Variants in EVC2 observed in about 807,000 individuals in gnomAD.
EVC2 encodes limbin.
Under a neutral mutation model 149.3 loss-of-function variants are expected in EVC2, and 148 were observed. The observed-to-expected ratio is 0.99, with a 90% CI of 0.87 to 1.14. The LOEUF (loss-of-function observed/expected upper bound fraction) is 1.14. EVC2 is among the 50% of genes most tolerant of loss of function. EVC2 has a pLI of 0.00. For missense variants in EVC2, 1,854 were observed against 1,627.3 expected (o/e 1.14, Z -2.40); for synonymous variants, 776 against 649.9 (o/e 1.19, Z -2.95).
chr4:5,545,625 G>C (rs1721600530), intron 21 of EVC2, among the ~76,000 whole-genome samples: 1 of 152,180 alleles, frequency 6.6e-6, no homozygotes, highest in Non-Finnish European at 1.5e-5. Context: ...GCAGAGACGA[G>C]TTACCTACCC....
intron 15 of EVC2, among the ~76,000 whole-genome samples, chr4:5,616,198 T>A (rs1345595557): frequency 6.6e-6 from 1 of 152,080 alleles, no homozygotes; most frequent in Non-Finnish European, 1.5e-5. Flanking sequence ...CTCCCCACCT[T>A]CCCTCTCCCC....
chr4:5,539,629 C>G (rs533273963), downstream of EVC2, among the ~76,000 whole-genome samples: 181 of 152,290 alleles, frequency 1.2e-3, no homozygotes, highest in African/African-American at 4.2e-3. Flanking sequence ...TAAATACACT[C>G]ACTCATATGT....
At position 5,576,227 on chromosome 4, in the gene EVC2, G is replaced by A. The variant is rs1722915938; in HGVS notation, c.3272+13C>T. ...GACTAATATCTTTGAGTGCTACGGG[G>A]CACACGGCATACCACTGCTGATGTT... is the stretch of plus-strand genomic sequence containing the variant. On this transcript the variant is annotated intron_variant, in intron 18 of 21. Coordinates refer to ENST00000344408, the MANE Select transcript of EVC2 (RefSeq NM_147127.5). This position sits in a 1 kb window ranked among gnomAD's most constrained non-coding sequence, Gnocchi z 4.5. The A allele has an allele frequency of 1.2e-6, 2 of 1,614,016 alleles. No individual in the cohort carries two copies. The highest frequency in any genetic ancestry group is 1.7e-6 in the Non-Finnish European group (2 of 1,180,032).
the EVC2 span, among the ~76,000 whole-genome samples, chr4:5,536,559 C>T: frequency 3.3e-3 from 504 of 152,160 alleles, 1 homozygote; most frequent in African/African-American, 0.011. Flanking sequence ...CCAAGGCGGG[C>T]AGATCACGAG....
rs138520074 is a variant in EVC2, at chr4:5,617,756, C to T, written c.2706+722G>A. On this transcript the variant is annotated intron_variant, in intron 15 of 21. Coordinates refer to ENST00000344408, the MANE Select transcript of EVC2 (RefSeq NM_147127.5). ...GGCAGAGAAAACAGAAGTTCGAAGG[C>T]CTTATCTTATGTTGGGAGCCCCAGA... 7.2e-3 allele frequency among the ~76,000 whole-genome samples: 1,102 copies of T among 152,208 alleles called. 10 individuals are homozygous for T. The highest frequency in any genetic ancestry group is 0.011 in the Non-Finnish European group (782 of 68,018).
chr4:5,552,882 T>A (rs572185240), intron 21 of EVC2, among the ~76,000 whole-genome samples: 2 of 152,220 alleles, frequency 1.3e-5, no homozygotes, highest in South Asian at 4.2e-4. Context: ...GATCTGTGCA[T>A]ACAGAGAGGA....
At chr4:5,539,913 A>G (rs1487596433), downstream of EVC2, among the ~76,000 whole-genome samples, 1 of 152,204 alleles carries the variant, frequency 6.6e-6, no homozygotes. Context: ...CTGCTCTTCA[A>G]AAGATACCGC....
downstream of EVC2, among the ~76,000 whole-genome samples, chr4:5,557,769 G>GAAAT (rs1408269079): frequency 2.6e-5 from 4 of 151,984 alleles, no homozygotes; most frequent in African/African-American, 9.7e-5. Context: ...CTATATAACA[G>GAAAT]AAATAAATGA....
At chr4:5,533,706 A>T in the EVC2 span, among the ~76,000 whole-genome samples, 1 of 152,174 alleles carries the variant, frequency 6.6e-6, no homozygotes, top group Non-Finnish European at 1.5e-5. Flanking sequence ...TGGAGTCCAT[A>T]TTGCCGCTAA....
In EVC2 at chr4:5,657,801, T is replaced by C. The variant is rs1243211066; in HGVS notation, c.1145+5306A>G. On this transcript the variant is annotated intron_variant, in intron 9 of 21. Transcript: ENST00000344408. The surrounding 1 kb of genome is among the most constrained non-coding windows in gnomAD (Gnocchi z 4.7). ...GAGTGTTGTGAAGAAAATCAGAATT[T>C]CAGGATAAAGAATGGAGGCAGTGCT... Among the ~76,000 whole-genome samples, 2 of 151,942 alleles carry C rather than the reference T, an allele frequency of 1.3e-5. No homozygotes were observed. Among genetic ancestry groups the C allele is most frequent in the Non-Finnish European group, 2.9e-5 (2 of 68,020 alleles).
intron 19 of EVC2, among the ~76,000 whole-genome samples, chr4:5,572,199 G>GA (rs1432296987): frequency 2.0e-5 from 3 of 151,868 alleles, no homozygotes; most frequent in African/African-American, 7.3e-5. Context: ...TGGGGACAGA[G>GA]AAAAAAAACA....
intron 21 of EVC2, among the ~76,000 whole-genome samples, chr4:5,545,189 G>T (rs751323228): frequency 6.6e-6 from 1 of 152,168 alleles, no homozygotes; most frequent in Non-Finnish European, 1.5e-5. Context: ...GGAGACATTC[G>T]CTCATTCATT....
At chr4:5,623,079 A>G (rs948391281) in intron 13 of EVC2, 88 bp from the exon 14 acceptor site, 9 of 1,210,978 alleles carry the variant, frequency 7.4e-6, no homozygotes, top group Non-Finnish European at 1.1e-5. Context: ...GGAAGCACAG[A>G]ATGTTTATAG....
chr4:5,547,559 T>G (rs1160414843), intron 21 of EVC2, among the ~76,000 whole-genome samples: 1 of 152,100 alleles, frequency 6.6e-6, no homozygotes, highest in Non-Finnish European at 1.5e-5. Context: ...CTTCCTCCCC[T>G]CTGAAGCCCA....
intron 16 of EVC2, among the ~76,000 whole-genome samples, chr4:5,596,869 A>C (rs943919777): frequency 3.3e-5 from 5 of 152,358 alleles, no homozygotes; most frequent in Admixed American, 6.5e-5. Context: ...GCAATAAAAA[A>C]TGATAAAGGG....
At chr4:5,626,913 T>A (rs1483960333) in intron 12 of EVC2, among the ~76,000 whole-genome samples, 2 of 152,242 alleles carry the variant, frequency 1.3e-5, no homozygotes, top group Non-Finnish European at 2.9e-5. Flanking sequence ...AGATTTGGAC[T>A]GAATTATACC....
intron 4 of EVC2, among the ~76,000 whole-genome samples, chr4:5,690,678 C>CCA (rs917167816): frequency 4.8e-4 from 52 of 108,516 alleles, no homozygotes; most frequent in African/African-American, 1.1e-3. Flanking sequence ...TAAGCTCTGT[C>CCA]CACACAACTC....
intron 12 of EVC2, among the ~76,000 whole-genome samples, chr4:5,627,106 G>C (rs560786526): frequency 2.0e-5 from 3 of 152,078 alleles, no homozygotes; most frequent in Admixed American, 2.0e-4. Context: ...GTACCCTGAC[G>C]AGTACACTCT....
chr4:5,630,530 G>A (rs1324617197), intron 11 of EVC2, among the ~76,000 whole-genome samples: 1 of 152,170 alleles, frequency 6.6e-6, no homozygotes, highest in African/African-American at 2.4e-5. Context: ...GAATTTCAAG[G>A]TGGGAAAATT....
Sources: gnomAD v4.1 joint callset for allele counts (sites outside exome capture counted in the v4.1 genomes callset) on GRCh38, gnomAD v4.1.1 for gene constraint, Gnocchi (gnomAD v3.1) non-coding constraint, MANE v1.5 for transcripts, NCBI Gene and HGNC (gene_info 2026-07-23, HGNC 2026-07-21) for gene names.